Variants in UTRN observed in about 807,000 individuals in gnomAD.
UTRN encodes dystrophin-related protein 1.
UTRN carries 283 observed loss-of-function variants against 463.9 expected under a neutral mutation model. The ratio of observed to expected loss-of-function variants is 0.61; its 90% CI spans 0.55 to 0.67. The LOEUF (loss-of-function observed/expected upper bound fraction) is 0.67, where lower values mean the gene tolerates loss of function less well. UTRN is among the 30% of genes least tolerant of loss of function. The pLI, the probability that UTRN is intolerant of heterozygous loss-of-function variation, is 0.00. For synonymous variants in UTRN, 1,442 were observed against 1,431.5 expected (o/e 1.01, Z -0.17); for missense variants, 3,922 against 4,084.3 (o/e 0.96, Z 1.08).
At chr6:144,391,521 G>A (rs1372106598) in intron 2 of UTRN, among the ~76,000 whole-genome samples, 3 of 152,106 alleles carry the variant, frequency 2.0e-5, no homozygotes, top group Admixed American at 6.5e-5. Context: ...CATAATAAAG[G>A]CAAGTTTCAG....
chr6:144,767,562 C>T (rs977357894), intron 58 of UTRN, among the ~76,000 whole-genome samples: 1 of 152,078 alleles, frequency 6.6e-6, no homozygotes, highest in Non-Finnish European at 1.5e-5. Context: ...CTAGTTTTTT[C>T]CATCTGTAAG....
chr6:144,433,620 C>T (rs1171422227), intron 9 of UTRN, among the ~76,000 whole-genome samples: 2 of 148,580 alleles, frequency 1.3e-5, no homozygotes, highest in Non-Finnish European at 3.0e-5. Context: ...CTCCTCACTT[C>T]TCAGACGGGG....
intron 34 of UTRN, 37 bp from the exon 35 acceptor site, chr6:144,510,907 G>C: frequency 6.8e-7 from 1 of 1,470,742 alleles, no homozygotes; most frequent in South Asian, 1.5e-5. Flanking sequence ...ATAATATTCT[G>C]AAGCATCAAG....
chr6:144,410,404 T>G (rs1489889418), intron 3 of UTRN, among the ~76,000 whole-genome samples: 1 of 152,174 alleles, frequency 6.6e-6, no homozygotes, highest in Non-Finnish European at 1.5e-5. Flanking sequence ...CAGAGCTTTT[T>G]ATTTATTTAT....
At chr6:144,320,499 A>G (rs940267532) in intron 2 of UTRN, among the ~76,000 whole-genome samples, 2 of 152,176 alleles carry the variant, frequency 1.3e-5, no homozygotes, top group African/African-American at 4.8e-5. Flanking sequence ...AAATAGTAAT[A>G]TGTATACAAA....
Position 144,462,863 on chromosome 6 carries a change from T to G in UTRN, c.3063T>G (p.Phe1021Leu). 2 of 1,601,560 alleles carry G rather than the reference T, an allele frequency of 1.2e-6. No homozygotes were observed. Among genetic ancestry groups the G allele is most frequent in the Non-Finnish European group, 1.7e-6 (2 of 1,177,442 alleles). Residue 1021 changes from phenylalanine to leucine, a missense_variant, in exon 23 of 75, where the codon TTT (phenylalanine) becomes TTG (leucine). Phe to Leu is a conservative substitution (Grantham distance 22, BLOSUM62 0). Transcript: ENST00000367545. ...LEEIALTLRA[F>L]EADSTVIEKW... is the part of the protein sequence containing the mutation. ...AAATTGCTCTCACACTCAGAGCTTT[T>G]GAGGTAAATCCAGAGGCCACTGGGA...
intron 10 of UTRN, among the ~76,000 whole-genome samples, chr6:144,436,667 G>T (rs532411657): frequency 6.6e-6 from 1 of 150,654 alleles, no homozygotes; most frequent in Admixed American, 6.6e-5. Flanking sequence ...TGAATTGACA[G>T]ATCTTATTTG....
At position 144,852,125 on chromosome 6, in the gene UTRN, G is replaced by A. The variant is rs569148612; in HGVS notation, c.*1128G>A. 7.2e-5 allele frequency: 11 copies of A among 152,160 alleles called. No individual in the cohort carries two copies. Among genetic ancestry groups the A allele is most frequent in the East Asian group, 3.9e-4 (2 of 5,186 alleles). 9.4% of individuals were successfully genotyped at this position (152,160 alleles called of 1,614,324 possible). A position where few individuals can be genotyped will look rare whatever the true frequency, so the allele number is the denominator to read the frequency against. Reference sequence around the variant, plus strand: ...TAGTGCACGGCTTATTTTACCTTTCGGGTGAAAGATCAGATGTTTTTATAC... The same window carrying A: ...TAGTGCACGGCTTATTTTACCTTTCAGGTGAAAGATCAGATGTTTTTATAC... On this transcript the variant is annotated 3_prime_UTR_variant, in exon 75 of 75. Coordinates refer to ENST00000367545, the MANE Select transcript of UTRN (RefSeq NM_007124.3).
At chr6:144,818,617 T>G (rs1779289021) in intron 65 of UTRN, among the ~76,000 whole-genome samples, 1 of 152,240 alleles carries the variant, frequency 6.6e-6, no homozygotes, top group Non-Finnish European at 1.5e-5. Context: ...AACAGTGTAC[T>G]AAGAACAGAC....
At chr6:144,519,771 T>C (rs570038730) in intron 39 of UTRN, among the ~76,000 whole-genome samples, 1 of 152,202 alleles carries the variant, frequency 6.6e-6, no homozygotes, top group Non-Finnish European at 1.5e-5. Context: ...TCTTAATGAA[T>C]GGGAATTTTT....
intron 2 of UTRN, among the ~76,000 whole-genome samples, chr6:144,327,850 G>A (rs1164064117): frequency 2.0e-5 from 3 of 152,004 alleles, no homozygotes; most frequent in South Asian, 2.1e-4. Context: ...AGGCTGAGGC[G>A]GGAGAATCAC....
At chr6:144,793,024 C>T (rs959929122) in intron 62 of UTRN, among the ~76,000 whole-genome samples, 23 of 152,028 alleles carry the variant, frequency 1.5e-4, no homozygotes, top group African/African-American at 4.8e-4. Context: ...TATTTCATTA[C>T]ATGAAGTAAA....
intron 52 of UTRN, among the ~76,000 whole-genome samples, chr6:144,691,065 G>C (rs77867174): frequency 0.096 from 14,549 of 151,048 alleles, 1,236 homozygotes; most frequent in East Asian, 0.48. Context: ...AACATCTAGG[G>C]AAAAAAAAAG....
chr6:144,352,842 T>C (rs1481405801), intron 2 of UTRN, among the ~76,000 whole-genome samples: 1 of 152,252 alleles, frequency 6.6e-6, no homozygotes, highest in Non-Finnish European at 1.5e-5. Flanking sequence ...TGTTTTATAA[T>C]GAATCATTTT....
chr6:144,787,144 C>T (rs9497079), intron 61 of UTRN, among the ~76,000 whole-genome samples: 2,618 of 152,224 alleles, frequency 0.017, 71 homozygotes, highest in African/African-American at 0.059. Context: ...TGTCTCAGCC[C>T]GTTCACAAAG....
intron 66 of UTRN, among the ~76,000 whole-genome samples, chr6:144,824,777 G>C (rs1224802505): frequency 3.4e-5 from 5 of 146,246 alleles, no homozygotes; most frequent in African/African-American, 1.0e-4. Flanking sequence ...TGGTGGTGGG[G>C]GGGGGTGTCC....
intron 53 of UTRN, chr6:144,708,354 C>T: frequency 9.1e-6 from 6 of 660,080 alleles, no homozygotes; most frequent in South Asian, 6.8e-5. Flanking sequence ...AAAACTGAAT[C>T]GATAAAAAAG....
rs1584726949 is a variant in UTRN, at chr6:144,423,696, T to C, written c.312+70T>C. ...ATTATTTATTGTGAAACTCACCAACTGCTTGATGCATTGGCATCCACTGAT... is the reference window on the plus strand; with the variant it reads ...ATTATTTATTGTGAAACTCACCAACCGCTTGATGCATTGGCATCCACTGAT... On this transcript the variant is annotated intron_variant, in intron 5 of 74. Coordinates refer to ENST00000367545, the MANE Select transcript of UTRN (RefSeq NM_007124.3). The C allele has an allele frequency of 7.9e-6, 12 of 1,517,800 alleles. No individual in the cohort carries two copies. In the East Asian group the frequency reaches 2.3e-4, roughly 29 times the overall value. The allele number at this position is 1,517,800 out of a possible 1,614,324, so 94.0% of individuals were successfully genotyped here. A position where few individuals can be genotyped will look rare whatever the true frequency, so the allele number is the denominator to read the frequency against.
At position 144,447,897 on chromosome 6, in the gene UTRN, T is replaced by G. The variant is rs555297113; in HGVS notation, c.1902+116T>G. 5.5e-5 allele frequency: 54 copies of G among 983,134 alleles called. No homozygotes were observed. In the African/African-American group the frequency reaches 7.2e-4, roughly 13 times the overall value. 60.9% of individuals were successfully genotyped at this position (983,134 alleles called of 1,614,324 possible). A position where few individuals can be genotyped will look rare whatever the true frequency, so the allele number is the denominator to read the frequency against. ...TAAAAAGTTGTTTCCTTACACCTGA[T>G]GAAAAATTGACATGTGAAAATCACC... On this transcript the variant is annotated intron_variant, in intron 16 of 74. Transcript: ENST00000367545.
Sources: allele counts gnomAD v4.1 joint callset (sites outside exome capture counted in the v4.1 genomes callset), GRCh38; gene constraint gnomAD v4.1.1; transcripts MANE v1.5; gene names NCBI Gene and HGNC (gene_info 2026-07-23, HGNC 2026-07-21).